ARHGAP33: variants seen among roughly 807,000 people sequenced by gnomAD.
The protein encoded by ARHGAP33 is rho GTPase-activating protein 33.
ARHGAP33 carries 57 observed loss-of-function variants against 126.2 expected under a neutral mutation model. The ratio of observed to expected loss-of-function variants is 0.45; its 90% CI spans 0.36 to 0.56. The LOEUF is 0.56. Ranked by LOEUF, ARHGAP33 falls within the 20% of genes least tolerant of loss-of-function variation. The pLI, the probability that ARHGAP33 is intolerant of heterozygous loss-of-function variation, is 0.00. For missense variants in ARHGAP33, 1,500 were observed against 1,748.3 expected (o/e 0.86, Z 2.53); for synonymous variants, 711 against 755.0 (o/e 0.94, Z 0.95).
At position 35,777,652 on chromosome 19, in the gene ARHGAP33, G is replaced by C; in HGVS notation, c.14G>C (p.Ser5Thr). 6.4e-7 allele frequency: 1 copy of C among 1,571,840 alleles called. No homozygotes were observed. Residue 5 changes from serine (S) to threonine (T), a missense_variant, in exon 2 of 21, where the codon AGC becomes ACC. Coordinates refer to ENST00000007510, the MANE Select transcript of ARHGAP33 (RefSeq NM_001366178.1). MVAR[S>T]TDSLDGPGEG... ...ATTCTTTCTGCTCTACAGGCACGCA[G>C]CACTGACAGCCTGGATGGCCCAGGG...
Position 35,787,118 on chromosome 19 carries a change from G to A in ARHGAP33, c.2602+46G>A, listed in dbSNP as rs767025295. On this transcript the variant is annotated intron_variant, in intron 20 of 20. Coordinates refer to ENST00000007510, the MANE Select transcript of ARHGAP33 (RefSeq NM_001366178.1). ...ACCCCTGTCCCCGCCAGCTGTCACTGACTCTGAGGGCCTGGCCCCAGCTGA... is the reference window on the plus strand; with the variant it reads ...ACCCCTGTCCCCGCCAGCTGTCACTAACTCTGAGGGCCTGGCCCCAGCTGA... 18 of 1,601,708 alleles carry A rather than the reference G, an allele frequency of 1.1e-5. No homozygotes were observed. The South Asian group carries it at 2.0e-4, about 18-fold the overall frequency.
Position 35,782,353 on chromosome 19 carries a change from C to T in ARHGAP33, c.1086-20C>T, listed in dbSNP as rs754933838. 1.3e-6 allele frequency: 2 copies of T among 1,593,026 alleles called. No homozygotes were observed. Among genetic ancestry groups the T allele is most frequent in the South Asian group, 1.1e-5 (1 of 89,982 alleles). On this transcript the variant is annotated intron_variant, in intron 12 of 20. Coordinates refer to ENST00000007510, the MANE Select transcript of ARHGAP33 (RefSeq NM_001366178.1). The surrounding 1 kb of genome is among the most constrained non-coding windows in gnomAD (Gnocchi z 4.1). ...CCCCTCTGACCTGGATCTTCCTCCT[C>T]CTTGACACGGTGGTCTCAGGCACGA...
rs1240676824 is a variant in ARHGAP33, at chr19:35,786,912, G to T, written c.2442G>T (p.Gly814=). The T allele has an allele frequency of 6.2e-7, 1 of 1,610,034 alleles. No homozygotes were observed. The highest frequency in any genetic ancestry group is 1.7e-5 in the Admixed American group (1 of 59,916). Residue 814 remains glycine (G), a synonymous_variant, in exon 20 of 21, where the codon GGG becomes GGT. Coordinates refer to ENST00000007510, the MANE Select transcript of ARHGAP33 (RefSeq NM_001366178.1). The surrounding 1 kb of genome is among the most constrained non-coding windows in gnomAD (Gnocchi z 7.0). ...PPAVLELLGA[G]GAPASATPTP... ...CTGTCCTAGAACTGCTGGGGGCTGGGGGAGCACCTGCCTCAGCCACCCCAA... is the reference window on the plus strand; with the variant it reads ...CTGTCCTAGAACTGCTGGGGGCTGGTGGAGCACCTGCCTCAGCCACCCCAA...
At chr19:35,780,394 C>G (rs770627455) in intron 7 of ARHGAP33, 27 bp from the exon 8 acceptor site, 1 of 1,604,620 alleles carries the variant, frequency 6.2e-7, no homozygotes, top group South Asian at 1.1e-5. Flanking sequence ...CCTTCTGACC[C>G]TTCTCTTCCC....
intron 19 of ARHGAP33, 184 bp downstream of exon 19, chr19:35,785,667 C>T: frequency 7.0e-7 from 1 of 1,430,432 alleles, no homozygotes; most frequent in Non-Finnish European, 9.1e-7. Context: ...TCATCACACA[C>T]TGAACTTAAC....
chr19:35,779,885 T>C (rs996429507), intron 6 of ARHGAP33: 1 of 497,268 alleles, frequency 2.0e-6, no homozygotes, highest in Admixed American at 2.3e-5. Flanking sequence ...AGAGAGATTT[T>C]AGATGGCAAC....
intron 16 of ARHGAP33, 161 bp from the exon 17 acceptor site, chr19:35,784,792 G>T: frequency 1.5e-6 from 2 of 1,355,426 alleles, no homozygotes; most frequent in South Asian, 1.8e-5. Flanking sequence ...CCTCCCACCT[G>T]CCTGCTGCCC....
chr19:35,783,479 C>T (rs1218811128), intron 15 of ARHGAP33, among the ~76,000 whole-genome samples: 1 of 152,100 alleles, frequency 6.6e-6, no homozygotes, highest in Non-Finnish European at 1.5e-5. Context: ...TCAAGACCTG[C>T]AGAGGATGAG....
chr19:35,784,688 G>GA, intron 16 of ARHGAP33: 2 of 1,324,224 alleles, frequency 1.5e-6, no homozygotes, highest in South Asian at 4.1e-5. Flanking sequence ...CAGCACGTCG[G>GA]AGGGCCCTCT....
Position 35,787,023 on chromosome 19 carries a change from C to G in ARHGAP33, c.2553C>G (p.Ala851=). Residue 851 remains alanine (A), a synonymous_variant, in exon 20 of 21, where the codon GCC becomes GCG. Transcript: ENST00000007510. ...GAGCCGAGGCCCCGCTGACTGACGC[C>G]TGCCAGCAGGAGATGTGCAGCAAGC... ...LRGAEAPLTD[A]CQQEMCSKLR... is the part of the protein sequence containing the mutation. 1.2e-6 allele frequency: 2 copies of G among 1,609,710 alleles called. No individual in the cohort carries two copies. The highest frequency in any genetic ancestry group is 1.7e-6 in the Non-Finnish European group (2 of 1,178,000).
rs1244930209 is a variant in ARHGAP33, at chr19:35,787,732, G to A, written c.3167G>A (p.Gly1056Asp). 2.5e-6 allele frequency: 4 copies of A among 1,585,442 alleles called. No individual in the cohort carries two copies. The highest frequency in any genetic ancestry group is 2.2e-5 in the East Asian group (1 of 44,616). The change falls in exon 21 of 21, where the codon GGC becomes GAC. Residue 1056 changes from glycine (G) to aspartate (D), a missense_variant. Physicochemically the swap from Gly to Asp is moderately conservative, Grantham distance 94 (BLOSUM62 -1). Around this residue, in one of 6 missense-constraint regions of ARHGAP33, gnomAD observed 642 missense variants for 634.0 expected, o/e 1.01. Transcript: ENST00000007510. ...GVPKPGLYPL[G>D]PPSFQPSSPA... ...CCCAAGCCAGGCTTGTACCCCCTGG[G>A]CCCCCCATCCTTCCAGCCCAGTTCC...
At position 35,779,129 on chromosome 19, in the gene ARHGAP33, G is replaced by A; in HGVS notation, c.501+5G>A. On this transcript the variant is annotated splice_donor_5th_base_variant and intron_variant, in intron 6 of 20. Transcript: ENST00000007510. ...CCTGTGCTCACCTGGATGGAGGTGG[G>A]CCTGGGCAGGGGGCTTGGAGATTCC... 2 of 1,550,198 alleles carry A rather than the reference G, an allele frequency of 1.3e-6. No individual in the cohort carries two copies. Among genetic ancestry groups the A allele is most frequent in the Admixed American group, 2.0e-5 (1 of 50,936 alleles).
chr19:35,780,914 C>T lies in ARHGAP33; in HGVS notation c.830-6C>T, dbSNP rs973734900. Reference sequence around the variant, plus strand: ...TGCCTTTGCCCTTTGCCCCTTGCCCCCACAGCTGTGCCACGGCCTCGTGGG... The same window carrying T: ...TGCCTTTGCCCTTTGCCCCTTGCCCTCACAGCTGTGCCACGGCCTCGTGGG... On this transcript the variant is annotated splice_polypyrimidine_tract_variant and splice_region_variant and intron_variant, in intron 10 of 20. Transcript: ENST00000007510. 1.9e-6 allele frequency: 3 copies of T among 1,610,050 alleles called. No individual in the cohort carries two copies. The highest frequency in any genetic ancestry group is 1.3e-5 in the African/African-American group (1 of 74,938).
chr19:35,780,529 C>T (rs1304794203), intron 8 of ARHGAP33, 31 bp downstream of exon 8: 1 of 1,611,912 alleles, frequency 6.2e-7, no homozygotes, highest in Admixed American at 1.7e-5. Context: ...ACAGGTGGGG[C>T]TGGGGTACCT....
rs774540230 is a variant in ARHGAP33 at position 35,784,228 on chromosome 19, G to A, written c.1478G>A (p.Arg493Gln). The change falls in exon 16 of 21, where the codon CGG (arginine) becomes CAG (glutamine). Residue 493 changes from arginine to glutamine, a missense_variant. Coordinates refer to ENST00000007510, the MANE Select transcript of ARHGAP33 (RefSeq NM_001366178.1). ...MGGAAAFREV[R>Q]VQSVVVEFLL... ...GGCGCGGCGGCGTTCCGGGAAGTTC[G>A]GGTGCAGTCGGTGGTGGTGGAGTTT... 3.2e-5 allele frequency: 51 copies of A among 1,612,200 alleles called. No homozygotes were observed. In the East Asian group the frequency reaches 8.7e-4, roughly 28 times the overall value.
rs750159033 is a variant in ARHGAP33, at chr19:35,787,869, C to T, written c.3304C>T (p.Arg1102Cys). 5.6e-6 allele frequency: 9 copies of T among 1,609,374 alleles called. No individual in the cohort carries two copies. The highest frequency in any genetic ancestry group is 7.6e-6 in the Non-Finnish European group (9 of 1,177,684). ...SEGSPYSGPT[R>C]SWSPFRSMPP... ...GGGGTCCCCCTATTCTGGCCCCACC[C>T]GCTCCTGGAGTCCCTTTCGCTCCAT... Residue 1102 changes from arginine (R) to cysteine (C), a missense_variant, in exon 21 of 21, where the codon CGC becomes TGC. Around this residue, in one of 6 missense-constraint regions of ARHGAP33, gnomAD observed 642 missense variants for 634.0 expected, o/e 1.01. Coordinates refer to ENST00000007510, the MANE Select transcript of ARHGAP33 (RefSeq NM_001366178.1).
chr19:35,783,772 T>C (rs1971932975), intron 15 of ARHGAP33, among the ~76,000 whole-genome samples: 1 of 151,754 alleles, frequency 6.6e-6, no homozygotes, highest in African/African-American at 2.4e-5. Flanking sequence ...CGGGCCCTGA[T>C]GGAACTCAGG....
chr19:35,778,427 G>T, intron 4 of ARHGAP33, 37 bp from the exon 5 acceptor site: 1 of 1,614,090 alleles, frequency 6.2e-7, no homozygotes, highest in Non-Finnish European at 8.5e-7. Flanking sequence ...TCGGTGTCAT[G>T]GGGCCCCTGC....
In ARHGAP33 at chr19:35,786,840, T is replaced by A. The variant is rs753687979; in HGVS notation, c.2370T>A (p.Pro790=). 1.0e-5 allele frequency: 16 copies of A among 1,557,982 alleles called. No homozygotes were observed. The Admixed American group carries it at 2.7e-4, about 26-fold the overall frequency. ...GGGGGCCCACCAGCCCCGCCTCGCC[T>A]GCTGCCCTAGACATCTCAGAGCCCC... ...SPRGPTSPAS[P]AALDISEPLA... is the part of the protein sequence containing the mutation. Residue 790 remains proline (P), a synonymous_variant, in exon 20 of 21, where the codon CCT becomes CCA. Transcript: ENST00000007510. This position sits in a 1 kb window ranked among gnomAD's most constrained non-coding sequence, Gnocchi z 7.0.
Sources: allele counts gnomAD v4.1 joint callset (sites outside exome capture counted in the v4.1 genomes callset), GRCh38; gene constraint gnomAD v4.1.1; regional missense constraint gnomAD v4.1.1; non-coding constraint Gnocchi (gnomAD v3.1); transcripts MANE v1.5; gene names NCBI Gene and HGNC (gene_info 2026-07-23, HGNC 2026-07-21).